FREM1: variants seen among roughly 807,000 people sequenced by gnomAD.
FREM1 encodes FRAS1 related extracellular matrix 1.
FREM1 carries 220 observed loss-of-function variants against 210.1 expected under a neutral mutation model. The observed-to-expected ratio is 1.05, with a 90% CI of 0.94 to 1.17. The LOEUF (loss-of-function observed/expected upper bound fraction) is 1.17, where lower values mean the gene tolerates loss of function less well. FREM1 is among the 50% of genes most tolerant of loss of function. FREM1 has a pLI of 0.00. For missense variants in FREM1, 3,454 were observed against 2,675.5 expected, an observed-to-expected ratio of 1.29 and a Z score of -6.42; for synonymous variants, 1,189 against 980.2, an observed-to-expected ratio of 1.21 and a Z score of -3.98.
intron 15 of FREM1, 116 bp from the exon 16 acceptor site, chr9:14,813,180 A>C: frequency 8.8e-7 from 1 of 1,135,258 alleles, no homozygotes; most frequent in South Asian, 1.7e-5. Context: ...CAGACACATG[A>C]AACAACAGCC....
At chr9:14,861,378 CAT>C (rs1830540238) in intron 3 of FREM1, among the ~76,000 whole-genome samples, 1 of 144,498 alleles carries the variant, frequency 6.9e-6, no homozygotes, top group Non-Finnish European at 1.5e-5. Context: ...CACGTATATA[CAT>C]ATATGTACAC....
At chr9:14,745,535 T>C (rs1842266082) in intron 35 of FREM1, among the ~76,000 whole-genome samples, 1 of 152,210 alleles carries the variant, frequency 6.6e-6, no homozygotes, top group Non-Finnish European at 1.5e-5. Flanking sequence ...ATCAGGTTTA[T>C]GATTTGAGAA....
At chr9:14,853,448 C>A (rs1159726386) in intron 5 of FREM1, among the ~76,000 whole-genome samples, 1 of 152,112 alleles carries the variant, frequency 6.6e-6, no homozygotes, top group Non-Finnish European at 1.5e-5. Flanking sequence ...AAATAATCCT[C>A]TTAAGAGAGC....
In FREM1 at chr9:14,859,163, G is replaced by T; in HGVS notation, c.631+20C>A. On this transcript the variant is annotated intron_variant, in intron 4 of 36. Coordinates refer to ENST00000380880, the MANE Select transcript of FREM1 (RefSeq NM_001379081.2). ...TGTCAGTTTTGGTAATACCCAGAAA[G>T]GCATTAAAAGACATCATACGGGACT... 6.5e-7 allele frequency: 1 copy of T among 1,527,194 alleles called. No homozygotes were observed. The highest frequency in any genetic ancestry group is 8.8e-7 in the Non-Finnish European group (1 of 1,137,690). 94.6% of individuals were successfully genotyped at this position (1,527,194 alleles called of 1,614,324 possible).
In FREM1 at chr9:14,812,943, C is replaced by G. The variant is rs746429101; in HGVS notation, c.2762G>C (p.Ser921Thr). The change falls in exon 16 of 37, where the codon AGC becomes ACC. Residue 921 changes from serine to threonine, a missense_variant. Coordinates refer to ENST00000380880, the MANE Select transcript of FREM1 (RefSeq NM_001379081.2). ...SEYIFATDVD[S>T]DNLKLMFVIA... Reference sequence around the variant, plus strand: ...CACAAACATCAACTTCAAGTTATCGCTGTCCACATCAGTAGCAAAAATGTA... The same window carrying G: ...CACAAACATCAACTTCAAGTTATCGGTGTCCACATCAGTAGCAAAAATGTA... 2 of 1,613,988 alleles carry G rather than the reference C, an allele frequency of 1.2e-6. No homozygotes were observed. Among genetic ancestry groups the G allele is most frequent in the Admixed American group, 3.3e-5 (2 of 60,020 alleles).
chr9:14,899,202 G>A (rs1316949273), intron 1 of FREM1, among the ~76,000 whole-genome samples: 2 of 152,178 alleles, frequency 1.3e-5, no homozygotes, highest in Admixed American at 6.5e-5. Context: ...GCTACTCAAG[G>A]GCCACCCTGG....
chr9:14,778,575 T>C (rs868703327), intron 24 of FREM1, among the ~76,000 whole-genome samples: 4 of 126,926 alleles, frequency 3.2e-5, no homozygotes, highest in Admixed American at 9.1e-5. Flanking sequence ...GCCACCGCAC[T>C]CCAGCCTGGG....
In FREM1 at chr9:14,740,240, T is replaced by C. The variant is rs1841299832; in HGVS notation, c.6255-6A>G. On this transcript the variant is annotated splice_polypyrimidine_tract_variant and splice_region_variant and intron_variant, in intron 35 of 36. Coordinates refer to ENST00000380880, the MANE Select transcript of FREM1 (RefSeq NM_001379081.2). ...TTACAAGGTTGCCCAGGTATCTAAATGCAAATGAAAATGAGAGTATCAGCA... is the reference window on the plus strand; with the variant it reads ...TTACAAGGTTGCCCAGGTATCTAAACGCAAATGAAAATGAGAGTATCAGCA... 3 of 1,606,690 alleles carry C rather than the reference T, an allele frequency of 1.9e-6. No individual in the cohort carries two copies. The highest frequency in any genetic ancestry group is 2.6e-6 in the Non-Finnish European group (3 of 1,173,692).
chr9:14,884,330 A>G (rs191505093), intron 1 of FREM1, among the ~76,000 whole-genome samples: 3 of 152,322 alleles, frequency 2.0e-5, no homozygotes, highest in Admixed American at 6.5e-5. Context: ...TCCTCCTGAC[A>G]TGACTGCAAA....
chr9:14,824,994 TG>T lies in FREM1; in HGVS notation c.1882-3del, dbSNP rs761645145. Reference sequence around the variant, plus strand: ...TGGAGTTATATGGATTGTTGCCACCTGGAATAAAAATGTCTGTACCATTAAT... The same window carrying T: ...TGGAGTTATATGGATTGTTGCCACCTGAATAAAAATGTCTGTACCATTAAT... On this transcript the variant is annotated splice_polypyrimidine_tract_variant and splice_region_variant and intron_variant, in intron 10 of 36. Transcript: ENST00000380880. 3 of 1,569,426 alleles carry T rather than the reference TG, an allele frequency of 1.9e-6. No homozygotes were observed.
chr9:14,876,091 G>A (rs1238848400), intron 1 of FREM1, among the ~76,000 whole-genome samples: 2 of 152,040 alleles, frequency 1.3e-5, no homozygotes, highest in Admixed American at 6.5e-5. Context: ...CCCTACTGGG[G>A]GGTGCCTCCC....
chr9:14,833,928 C>T (rs949700614), intron 10 of FREM1, among the ~76,000 whole-genome samples: 5 of 152,136 alleles, frequency 3.3e-5, no homozygotes, highest in African/African-American at 4.8e-5. Flanking sequence ...CCACAGACCC[C>T]GTTTTGTGGG....
rs1197088939 is a variant in FREM1, at chr9:14,747,267, T to C, written c.6006A>G (p.Arg2002=). 1.9e-6 allele frequency: 3 copies of C among 1,611,406 alleles called. No individual in the cohort carries two copies. Among genetic ancestry groups the C allele is most frequent in the Non-Finnish European group, 2.5e-6 (3 of 1,178,724 alleles). Residue 2002 remains arginine, a synonymous_variant, in exon 33 of 37, where the codon AGA becomes AGG. Transcript: ENST00000380880. ...VESTTDSHFP[R]QDQLPSFPKN... is the part of the protein sequence containing the mutation. ...GAAGGAACAAAGATTTTCATACCTG[T>C]CTGGGGAAGTGTGAGTCAGTTGTGG...
chr9:14,815,944 G>A (rs958921384), intron 15 of FREM1, among the ~76,000 whole-genome samples: 1 of 152,060 alleles, frequency 6.6e-6, no homozygotes, highest in South Asian at 2.1e-4. Flanking sequence ...CACCTTGCCC[G>A]CTCTGCACTC....
chr9:14,803,156 C>T (rs1179825151), intron 19 of FREM1, among the ~76,000 whole-genome samples: 2 of 138,050 alleles, frequency 1.4e-5, no homozygotes. Context: ...CCCTTCCTTC[C>T]TTCATCTTTC....
intron 10 of FREM1, among the ~76,000 whole-genome samples, chr9:14,834,639 G>A (rs1824196530): frequency 1.3e-5 from 2 of 152,162 alleles, no homozygotes; most frequent in African/African-American, 2.4e-5. Flanking sequence ...CCTGATGCCT[G>A]GCTTTTTGAA....
chr9:14,877,377 C>A (rs941217085), intron 1 of FREM1, among the ~76,000 whole-genome samples: 1 of 151,642 alleles, frequency 6.6e-6, no homozygotes, highest in African/African-American at 2.4e-5. Context: ...TTAACAGCAA[C>A]TCCAACTTTT....
chr9:14,891,261 G>A (rs1204458850), intron 1 of FREM1, among the ~76,000 whole-genome samples: 1 of 152,162 alleles, frequency 6.6e-6, no homozygotes, highest in African/African-American at 2.4e-5. Context: ...GGCTTTTTGA[G>A]TATGACATAT....
chr9:14,794,220 G>A (rs1851931928), intron 21 of FREM1, among the ~76,000 whole-genome samples: 1 of 152,158 alleles, frequency 6.6e-6, no homozygotes, highest in African/African-American at 2.4e-5. Flanking sequence ...AGGAGAGAGG[G>A]AGTAGGAGAG....
Sources: gnomAD v4.1 joint callset for allele counts (sites outside exome capture counted in the v4.1 genomes callset) on GRCh38, gnomAD v4.1.1 for gene constraint, MANE v1.5 for transcripts, NCBI Gene and HGNC (gene_info 2026-07-23, HGNC 2026-07-21) for gene names.